The following GPR39 variants were observed in gnomAD, a reference collection of about 807,000 sequenced individuals.
GPR39 encodes the protein zinc sensing receptor.
A neutral mutation model predicts 18.4 loss-of-function variants in GPR39; 23 were observed. The observed-to-expected ratio is 1.25, with a 90% CI of 0.90 to 1.77. GPR39 has a LOEUF of 1.77. GPR39 is among the 40% of genes most tolerant of loss of function. GPR39 has a pLI of 0.00. For missense variants in GPR39, 647 were observed against 602.4 expected (o/e 1.07, Z -0.78); for synonymous variants, 280 against 257.9 (o/e 1.09, Z -0.82).
At chr2:132,637,793 C>T (rs1050937666) in intron 1 of GPR39, among the ~76,000 whole-genome samples, 1 of 152,222 alleles carries the variant, frequency 6.6e-6, no homozygotes, top group African/African-American at 2.4e-5. Context: ...CAATGCCTCT[C>T]TGCCTTCCGT....
At chr2:132,560,549 G>A (rs1680232964) in intron 1 of GPR39, among the ~76,000 whole-genome samples, 2 of 152,234 alleles carry the variant, frequency 1.3e-5, no homozygotes, top group South Asian at 4.1e-4. Context: ...CTCATCTGGA[G>A]TTAACACTGG....
At chr2:132,536,226 C>T (rs72983628) in intron 1 of GPR39, among the ~76,000 whole-genome samples, 1 of 152,044 alleles carries the variant, frequency 6.6e-6, no homozygotes, top group Non-Finnish European at 1.5e-5. Flanking sequence ...AAATTTCCCT[C>T]TTAATACTAC....
At chr2:132,505,413 C>T (rs905068310) in intron 1 of GPR39, among the ~76,000 whole-genome samples, 9 of 152,174 alleles carry the variant, frequency 5.9e-5, no homozygotes, top group African/African-American at 1.7e-4. Flanking sequence ...ATTTCAAATT[C>T]TCTCTTCTAG....
intron 1 of GPR39, among the ~76,000 whole-genome samples, chr2:132,500,750 CT>C (rs1480123443): frequency 6.6e-6 from 1 of 152,068 alleles, no homozygotes; most frequent in East Asian, 1.9e-4. Flanking sequence ...CCCTTTCAGT[CT>C]CACTGCTTGT....
At chr2:132,611,014 T>A (rs1309969271) in intron 1 of GPR39, among the ~76,000 whole-genome samples, 1 of 152,156 alleles carries the variant, frequency 6.6e-6, no homozygotes, top group Non-Finnish European at 1.5e-5. Flanking sequence ...ACACTCAATC[T>A]CCTGGGAGGC....
intron 1 of GPR39, among the ~76,000 whole-genome samples, chr2:132,608,782 C>T (rs1681185916): frequency 6.6e-6 from 1 of 152,186 alleles, no homozygotes; most frequent in Non-Finnish European, 1.5e-5. Flanking sequence ...CATTAGCCCC[C>T]TCCGCTGCAA....
At chr2:132,550,797 T>G (rs1317546103) in intron 1 of GPR39, among the ~76,000 whole-genome samples, 1 of 152,220 alleles carries the variant, frequency 6.6e-6, no homozygotes, top group Non-Finnish European at 1.5e-5. Context: ...TAGTGATTAT[T>G]CCATTATACC....
intron 1 of GPR39, among the ~76,000 whole-genome samples, chr2:132,451,147 C>CTGTGTGTG (rs34508615): frequency 0.027 from 2,854 of 106,058 alleles, 105 homozygotes; most frequent in African/African-American, 0.073. Context: ...ATCTTTGAGG[C>CTGTGTGTG]TGTGTGTGTG....
chr2:132,631,845 C>T (rs1464619536), intron 1 of GPR39, among the ~76,000 whole-genome samples: 2 of 145,908 alleles, frequency 1.4e-5, no homozygotes, highest in Non-Finnish European at 3.0e-5. Context: ...TTTTCTGAGA[C>T]TGATTCTCAA....
chr2:132,617,666 C>T (rs982039119), intron 1 of GPR39, among the ~76,000 whole-genome samples: 2 of 151,998 alleles, frequency 1.3e-5, no homozygotes, highest in African/African-American at 2.4e-5. Flanking sequence ...GAAATGTCTT[C>T]CCTAGTTGTT....
intron 1 of GPR39, among the ~76,000 whole-genome samples, chr2:132,555,228 G>A (rs1434621665): frequency 9.0e-6 from 1 of 110,560 alleles, no homozygotes; most frequent in Non-Finnish European, 1.9e-5. Context: ...GGGATTACAG[G>A]TGTGAGCCTG....
intron 1 of GPR39, among the ~76,000 whole-genome samples, chr2:132,584,515 T>G (rs1680688052): frequency 6.6e-6 from 1 of 152,000 alleles, no homozygotes; most frequent in African/African-American, 2.4e-5. Flanking sequence ...GCAGGGAGGT[T>G]GAAAGGGAAG....
chr2:132,564,906 T>A (rs773867794), intron 1 of GPR39, among the ~76,000 whole-genome samples: 13 of 134,868 alleles, frequency 9.6e-5, no homozygotes, highest in Non-Finnish European at 2.0e-4. Context: ...AACCTCCACC[T>A]CCCAGGCTCA....
intron 1 of GPR39, among the ~76,000 whole-genome samples, chr2:132,490,099 C>G (rs2104794742): frequency 6.6e-6 from 1 of 151,976 alleles, no homozygotes; most frequent in East Asian, 1.9e-4. Context: ...AAGCCTGGCT[C>G]ACTGGGGACA....
chr2:132,535,654 A>G (rs1297267748), intron 1 of GPR39, among the ~76,000 whole-genome samples: 1 of 138,050 alleles, frequency 7.2e-6, no homozygotes, highest in Non-Finnish European at 1.5e-5. Context: ...TCCTCTTTGT[A>G]TCTCTGGTAG....
In GPR39 at chr2:132,554,508, C is replaced by A. The variant is rs149480519; in HGVS notation, c.857-90593C>A. Among the ~76,000 whole-genome samples the A allele has an allele frequency of 3.4e-4, 52 of 152,272 alleles. 1 individual carries two copies. In the East Asian group the frequency reaches 9.5e-3, roughly 28 times the overall value. Reference sequence around the variant, plus strand: ...AGGGGATTTATGTAGATAGTTGAAGCCAGAAGTTGGTCTTGTCTGTTGGCC... The same window carrying A: ...AGGGGATTTATGTAGATAGTTGAAGACAGAAGTTGGTCTTGTCTGTTGGCC... On this transcript the variant is annotated intron_variant, in intron 1 of 1. Transcript: ENST00000329321.
At chr2:132,480,986 G>A (rs532534786) in intron 1 of GPR39, among the ~76,000 whole-genome samples, 4 of 152,138 alleles carry the variant, frequency 2.6e-5, no homozygotes, top group African/African-American at 9.7e-5. Flanking sequence ...TCAATCTGGG[G>A]TTGAATATCT....
chr2:132,565,557 C>G (rs1321944962), intron 1 of GPR39, among the ~76,000 whole-genome samples: 3 of 122,188 alleles, frequency 2.5e-5, no homozygotes, highest in African/African-American at 9.3e-5. Flanking sequence ...CCCCTCCCCC[C>G]ACCCCACCAC....
intron 1 of GPR39, among the ~76,000 whole-genome samples, chr2:132,467,262 C>G (rs10171435): frequency 0.46 from 70,230 of 151,958 alleles, 17,310 homozygotes; most frequent in Non-Finnish European, 0.54. Context: ...CAGACAAGCA[C>G]TGTGGTTGCA....
Sources: gnomAD v4.1 joint callset for allele counts (sites outside exome capture counted in the v4.1 genomes callset) on GRCh38, gnomAD v4.1.1 for gene constraint, MANE v1.5 for transcripts, NCBI Gene and HGNC (gene_info 2026-07-23, HGNC 2026-07-21) for gene names.